Variants in HMX2 observed in about 807,000 individuals in gnomAD.
The protein encoded by HMX2 is homeobox protein HMX2.
A neutral mutation model predicts 21.2 loss-of-function variants in HMX2; 15 were observed. That is an observed-to-expected ratio of 0.71 (90% CI 0.47 to 1.09). The LOEUF (loss-of-function observed/expected upper bound fraction) is 1.09. Ranked by LOEUF, HMX2 falls within the 50% of genes least tolerant of loss-of-function variation. The pLI, the probability that HMX2 is intolerant of heterozygous loss-of-function variation, is 0.00. For synonymous variants in HMX2, 193 were observed against 181.0 expected (o/e 1.07, Z -0.53); for missense variants, 440 against 381.5 (o/e 1.15, Z -1.28).
In HMX2 at chr10:123,148,295, C is replaced by T; in HGVS notation, c.-84C>T. 2 of 1,391,920 alleles carry T rather than the reference C, an allele frequency of 1.4e-6. No individual in the cohort carries two copies. Among genetic ancestry groups the T allele is most frequent in the Non-Finnish European group, 2.0e-6 (2 of 1,007,100 alleles). 86.2% of individuals were successfully genotyped at this position (1,391,920 alleles called of 1,614,324 possible). On this transcript the variant is annotated 5_prime_UTR_variant, in exon 1 of 2. Transcript: ENST00000339992. Reference sequence around the variant, plus strand: ...CCTCCCCGCCCCTCCCCACTGCCTGCCTGCTGCACCACCTTCCACCCAGAT... The same window carrying T: ...CCTCCCCGCCCCTCCCCACTGCCTGTCTGCTGCACCACCTTCCACCCAGAT...
Position 123,149,939 on chromosome 10 carries a change from A to C in HMX2, c.638A>C (p.Glu213Ala). 1 of 1,612,222 alleles carries C rather than the reference A, an allele frequency of 6.2e-7. No homozygotes were observed. Among genetic ancestry groups the C allele is most frequent in the Non-Finnish European group, 8.5e-7 (1 of 1,179,680 alleles). Residue 213 changes from glutamate (E) to alanine (A), a missense_variant, in exon 2 of 2, where the codon GAG (glutamate) becomes GCG (alanine). By Grantham distance (107) the Glu-to-Ala change is moderately radical. Transcript: ENST00000339992. The surrounding 1 kb of genome is among the most constrained non-coding windows in gnomAD (Gnocchi z 5.4). ...AAGCGGCAGCTCTCGGCTGAGCTGG[A>C]GGCGGCCAACATGGCGCACGCGTCG... ...KWKRQLSAEL[E>A]AANMAHASAQ...
At position 123,150,079 on chromosome 10, in the gene HMX2, T is replaced by G; in HGVS notation, c.778T>G (p.Ser260Ala). ...GCTCTACTACCCGGGAAGCAACCTCTCGGCCTTACCTCTCTACAACCTATA... is the reference window on the plus strand; with the variant it reads ...GCTCTACTACCCGGGAAGCAACCTCGCGGCCTTACCTCTCTACAACCTATA... ...APLYYPGSNL[S>A]ALPLYNLYNK... The change falls in exon 2 of 2, where the codon TCG (serine) becomes GCG (alanine). Residue 260 changes from serine (S) to alanine (A), a missense_variant. Ser to Ala is a moderately conservative substitution (Grantham distance 99). Transcript: ENST00000339992. The surrounding 1 kb of genome is among the most constrained non-coding windows in gnomAD (Gnocchi z 4.2). 1 of 1,594,276 alleles carries G rather than the reference T, an allele frequency of 6.3e-7. No homozygotes were observed. Among genetic ancestry groups the G allele is most frequent in the Non-Finnish European group, 8.5e-7 (1 of 1,175,676 alleles).
At position 123,149,147 on chromosome 10, in the gene HMX2, C is replaced by T. The variant is rs1844237421; in HGVS notation, c.269-423C>T. On this transcript the variant is annotated intron_variant, in intron 1 of 1. Transcript: ENST00000339992. The surrounding 1 kb of genome is among the most constrained non-coding windows in gnomAD (Gnocchi z 5.4). The stretch of plus-strand genomic sequence containing the variant: ...TTTCAGAGACGGTTCCTCTTTACAA[C>T]ATTTGACGAAGGGGAGTCCTGCGTT... Among the ~76,000 whole-genome samples, 1 of 152,028 alleles carries T rather than the reference C, an allele frequency of 6.6e-6. No homozygotes were observed. The highest frequency in any genetic ancestry group is 1.5e-5 in the Non-Finnish European group (1 of 67,956).
At position 123,149,986 on chromosome 10, in the gene HMX2, C is replaced by A. The variant is rs759207793; in HGVS notation, c.685C>A (p.Pro229Thr). 4 of 1,611,148 alleles carry A rather than the reference C, an allele frequency of 2.5e-6. No individual in the cohort carries two copies. Among genetic ancestry groups the A allele is most frequent in the Non-Finnish European group, 3.4e-6 (4 of 1,179,324 alleles). ...GTCGGCGCAGACTCTGGTGAGCATG[C>A]CGCTGGTGTTCCGGGACAGTTCGCT... ...HASAQTLVSM[P>T]LVFRDSSLLR... The change falls in exon 2 of 2, where the codon CCG (proline) becomes ACG (threonine). Residue 229 changes from proline to threonine, a missense_variant. Transcript: ENST00000339992. This position sits in a 1 kb window ranked among gnomAD's most constrained non-coding sequence, Gnocchi z 5.4.
chr10:123,150,206 G>A lies in HMX2; in HGVS notation c.*83G>A. 8.4e-7 allele frequency: 1 copy of A among 1,193,996 alleles called. No homozygotes were observed. The highest frequency in any genetic ancestry group is 1.1e-6 in the Non-Finnish European group (1 of 878,920). 74.0% of individuals were successfully genotyped at this position (1,193,996 alleles called of 1,614,324 possible). On this transcript the variant is annotated 3_prime_UTR_variant, in exon 2 of 2. Transcript: ENST00000339992. This position sits in a 1 kb window ranked among gnomAD's most constrained non-coding sequence, Gnocchi z 4.2. Reference sequence around the variant, plus strand: ...TGTAAGCAGGGCTCCGGAGCAAGGCGGCGTGTTTCCAGAAATATGAAGAAA... The same window carrying A: ...TGTAAGCAGGGCTCCGGAGCAAGGCAGCGTGTTTCCAGAAATATGAAGAAA...
rs1844252691 is a variant in HMX2, at chr10:123,149,962, T to C, written c.661T>C (p.Ser221Pro). ...ELEAANMAHA[S>P]AQTLVSMPLV... is the part of the protein sequence containing the mutation. Reference sequence around the variant, plus strand: ...GGAGGCGGCCAACATGGCGCACGCGTCGGCGCAGACTCTGGTGAGCATGCC... The same window carrying C: ...GGAGGCGGCCAACATGGCGCACGCGCCGGCGCAGACTCTGGTGAGCATGCC... Residue 221 changes from serine (S) to proline (P), a missense_variant, in exon 2 of 2, where the codon TCG (serine) becomes CCG (proline). Coordinates refer to ENST00000339992, the MANE Select transcript of HMX2 (RefSeq NM_005519.2). The surrounding 1 kb of genome is among the most constrained non-coding windows in gnomAD (Gnocchi z 5.4). 1.2e-6 allele frequency: 2 copies of C among 1,611,950 alleles called. No homozygotes were observed. Among genetic ancestry groups the C allele is most frequent in the African/African-American group, 2.7e-5 (2 of 75,028 alleles).
At position 123,150,612 on chromosome 10, in the gene HMX2, G is replaced by A. The variant is rs1844261847; in HGVS notation, c.*489G>A. Reference sequence around the variant, plus strand: ...TCCCGAGGATGGTAGGGACGAAAAGGGGAGAGTTCAGATCTGTAAATATTT... The same window carrying A: ...TCCCGAGGATGGTAGGGACGAAAAGAGGAGAGTTCAGATCTGTAAATATTT... On this transcript the variant is annotated 3_prime_UTR_variant, in exon 2 of 2. Coordinates refer to ENST00000339992, the MANE Select transcript of HMX2 (RefSeq NM_005519.2). The surrounding 1 kb of genome is among the most constrained non-coding windows in gnomAD (Gnocchi z 4.2). The A allele has an allele frequency of 6.5e-6, 1 of 153,122 alleles. No individual in the cohort carries two copies. The highest frequency in any genetic ancestry group is 6.5e-5 in the Admixed American group (1 of 15,306). The allele number at this position is 153,122 out of a possible 1,614,324, so 9.5% of individuals were successfully genotyped here.
chr10:123,148,279 C>G lies in HMX2; in HGVS notation c.-100C>G. ...CCCTCCCCCTAGATTTCCTCCCCGC[C>G]CCTCCCCACTGCCTGCCTGCTGCAC... On this transcript the variant is annotated 5_prime_UTR_variant, in exon 1 of 2. Coordinates refer to ENST00000339992, the MANE Select transcript of HMX2 (RefSeq NM_005519.2). The G allele has an allele frequency of 1.5e-6, 2 of 1,301,164 alleles. No homozygotes were observed. The highest frequency in any genetic ancestry group is 2.4e-5 in the East Asian group (1 of 41,502). 80.6% of individuals were successfully genotyped at this position (1,301,164 alleles called of 1,614,324 possible). A position where few individuals can be genotyped will look rare whatever the true frequency, so the allele number is the denominator to read the frequency against.
In HMX2 at chr10:123,148,155, G is replaced by A. The variant is rs1844218295; in HGVS notation, c.-224G>A. Reference sequence around the variant, plus strand: ...GAAGGGGCATTTGCACCGGGGCTGGGCGGGCGCACCCAGAGCCAGGCGGGC... The same window carrying A: ...GAAGGGGCATTTGCACCGGGGCTGGACGGGCGCACCCAGAGCCAGGCGGGC... On this transcript the variant is annotated 5_prime_UTR_variant, in exon 1 of 2. Transcript: ENST00000339992. The A allele has an allele frequency of 1.8e-6, 1 of 559,334 alleles. No homozygotes were observed. Among genetic ancestry groups the A allele is most frequent in the Non-Finnish European group, 3.1e-6 (1 of 324,582 alleles). The allele number at this position is 559,334 out of a possible 1,614,324, so 34.6% of individuals were successfully genotyped here.
chr10:123,150,089 C>T lies in HMX2; in HGVS notation c.788C>T (p.Pro263Leu), dbSNP rs759214419. Reference protein sequence around the residue: ...YYPGSNLSALPLYNLYNKLDY With the variant: ...YYPGSNLSALLLYNLYNKLDY The stretch of plus-strand genomic sequence containing the variant: ...CCGGGAAGCAACCTCTCGGCCTTAC[C>T]TCTCTACAACCTATACAACAAGCTC... The change falls in exon 2 of 2, where the codon CCT becomes CTT. Residue 263 changes from proline to leucine, a missense_variant. By Grantham distance (98) the Pro-to-Leu change is moderately conservative. Transcript: ENST00000339992. The surrounding 1 kb of genome is among the most constrained non-coding windows in gnomAD (Gnocchi z 4.2). 2 of 1,587,510 alleles carry T rather than the reference C, an allele frequency of 1.3e-6. No individual in the cohort carries two copies. The highest frequency in any genetic ancestry group is 2.7e-5 in the African/African-American group (2 of 74,536).
rs200845862 is a variant in HMX2, at chr10:123,148,359, C to T, written c.-20C>T. The T allele has an allele frequency of 6.2e-7, 1 of 1,611,668 alleles. No homozygotes were observed. The highest frequency in any genetic ancestry group is 2.2e-5 in the East Asian group (1 of 44,744). ...TCTAAAGGGAGTTCTTGGTTTCCTTCGATTTCTTATGAACCCAGGATGGGC... is the reference window on the plus strand; with the variant it reads ...TCTAAAGGGAGTTCTTGGTTTCCTTTGATTTCTTATGAACCCAGGATGGGC... On this transcript the variant is annotated 5_prime_UTR_variant, in exon 1 of 2. Coordinates refer to ENST00000339992, the MANE Select transcript of HMX2 (RefSeq NM_005519.2).
rs1844222935 is a variant in HMX2 at position 123,148,398 on chromosome 10, C to T, written c.20C>T (p.Ala7Val). The T allele has an allele frequency of 6.2e-7, 1 of 1,612,818 alleles. No individual in the cohort carries two copies. The highest frequency in any genetic ancestry group is 8.5e-7 in the Non-Finnish European group (1 of 1,179,468). ...CCCAGGATGGGCAGCAAAGAAGATGCGGGCAAGGGGTGTCCGGCGGCCGGT... is the reference window on the plus strand; with the variant it reads ...CCCAGGATGGGCAGCAAAGAAGATGTGGGCAAGGGGTGTCCGGCGGCCGGT... Reference protein sequence around the residue: MGSKEDAGKGCPAAGGV... With the variant: MGSKEDVGKGCPAAGGV... Residue 7 changes from alanine (A) to valine (V), a missense_variant, in exon 1 of 2, where the codon GCG becomes GTG. Physicochemically the swap from Ala to Val is moderately conservative, Grantham distance 64 (BLOSUM62 0). Coordinates refer to ENST00000339992, the MANE Select transcript of HMX2 (RefSeq NM_005519.2).
chr10:123,150,079 T>C lies in HMX2; in HGVS notation c.778T>C (p.Ser260Pro). 1.3e-6 allele frequency: 2 copies of C among 1,594,276 alleles called. No homozygotes were observed. Among genetic ancestry groups the C allele is most frequent in the African/African-American group, 1.3e-5 (1 of 74,722 alleles). Residue 260 changes from serine to proline, a missense_variant, in exon 2 of 2, where the codon TCG becomes CCG. By Grantham distance (74) the Ser-to-Pro change is moderately conservative. Coordinates refer to ENST00000339992, the MANE Select transcript of HMX2 (RefSeq NM_005519.2). This position sits in a 1 kb window ranked among gnomAD's most constrained non-coding sequence, Gnocchi z 4.2. ...APLYYPGSNLSALPLYNLYNK... is the reference protein window; with the variant it reads ...APLYYPGSNLPALPLYNLYNK... ...GCTCTACTACCCGGGAAGCAACCTC[T>C]CGGCCTTACCTCTCTACAACCTATA...
In HMX2 at chr10:123,149,700, C is replaced by G; in HGVS notation, c.399C>G (p.Ser133=). The change falls in exon 2 of 2, where the codon TCC becomes TCG. Residue 133 remains serine (S), a synonymous_variant. Transcript: ENST00000339992. The surrounding 1 kb of genome is among the most constrained non-coding windows in gnomAD (Gnocchi z 5.4). Reference sequence around the variant, plus strand: ...CCGCGGGCTCGCCCTCGCCGGGGTCCGAGCGGCCGCGGGACGGCGGCGCTG... The same window carrying G: ...CCGCGGGCTCGCCCTCGCCGGGGTCGGAGCGGCCGCGGGACGGCGGCGCTG... ...LLPAGSPSPG[S]ERPRDGGAER... 2 of 1,565,684 alleles carry G rather than the reference C, an allele frequency of 1.3e-6. No individual in the cohort carries two copies. Among genetic ancestry groups the G allele is most frequent in the Non-Finnish European group, 1.7e-6 (2 of 1,161,278 alleles).
rs1844258202 is a variant in HMX2, at chr10:123,150,297, G to T, written c.*174G>T. ...CCCTACTTTTTGTTTTGATTGTTTC[G>T]GGTATTTATTGGCATTCCCTAAGTC... On this transcript the variant is annotated 3_prime_UTR_variant, in exon 2 of 2. Transcript: ENST00000339992. The surrounding 1 kb of genome is among the most constrained non-coding windows in gnomAD (Gnocchi z 4.2). 1.7e-6 allele frequency: 1 copy of T among 581,768 alleles called. No individual in the cohort carries two copies. Among genetic ancestry groups the T allele is most frequent in the Admixed American group, 3.6e-5 (1 of 28,108 alleles). 36.0% of individuals were successfully genotyped at this position (581,768 alleles called of 1,614,324 possible).
At position 123,150,487 on chromosome 10, in the gene HMX2, A is replaced by C; in HGVS notation, c.*364A>C. On this transcript the variant is annotated 3_prime_UTR_variant, in exon 2 of 2. Coordinates refer to ENST00000339992, the MANE Select transcript of HMX2 (RefSeq NM_005519.2). The surrounding 1 kb of genome is among the most constrained non-coding windows in gnomAD (Gnocchi z 4.2). ...ACAAAACCAGGTACACTCCTCCCCCATATATACACCTGTATATATGTACAT... is the reference window on the plus strand; with the variant it reads ...ACAAAACCAGGTACACTCCTCCCCCCTATATACACCTGTATATATGTACAT... 4.9e-6 allele frequency: 1 copy of C among 202,320 alleles called. No individual in the cohort carries two copies. The highest frequency in any genetic ancestry group is 1.3e-4 in the East Asian group (1 of 7,864). 12.5% of individuals were successfully genotyped at this position (202,320 alleles called of 1,614,324 possible).
Position 123,149,957 on chromosome 10 carries a change from A to G in HMX2, c.656A>G (p.His219Arg). ...SAELEAANMA[H>R]ASAQTLVSMP... ...GAGCTGGAGGCGGCCAACATGGCGC[A>G]CGCGTCGGCGCAGACTCTGGTGAGC... Residue 219 changes from histidine to arginine, a missense_variant, in exon 2 of 2, where the codon CAC becomes CGC. His to Arg is a conservative substitution (Grantham distance 29). Transcript: ENST00000339992. This position sits in a 1 kb window ranked among gnomAD's most constrained non-coding sequence, Gnocchi z 5.4. 1 of 1,611,990 alleles carries G rather than the reference A, an allele frequency of 6.2e-7. No individual in the cohort carries two copies. Among genetic ancestry groups the G allele is most frequent in the Non-Finnish European group, 8.5e-7 (1 of 1,179,596 alleles).
rs1274867386 is a variant in HMX2 at position 123,150,118 on chromosome 10, T to A, written c.817T>A (p.Tyr273Asn). ...CTACAACCTATACAACAAGCTCGAC[T>A]ACTGACCGGCCCGCCGCCCCGCGCC... ...PLYNLYNKLD[Y>N] The change falls in exon 2 of 2, where the codon TAC (tyrosine) becomes AAC (asparagine). Residue 273 changes from tyrosine to asparagine, a missense_variant. By Grantham distance (143) the Tyr-to-Asn change is moderately radical. Coordinates refer to ENST00000339992, the MANE Select transcript of HMX2 (RefSeq NM_005519.2). This position sits in a 1 kb window ranked among gnomAD's most constrained non-coding sequence, Gnocchi z 4.2. 1.3e-6 allele frequency: 2 copies of A among 1,543,712 alleles called. No homozygotes were observed.
At position 123,148,459 on chromosome 10, in the gene HMX2, C is replaced by A. The variant is rs140226368; in HGVS notation, c.81C>A (p.Gly27=). 4.1e-5 allele frequency: 66 copies of A among 1,612,926 alleles called. No individual in the cohort carries two copies. Among genetic ancestry groups the A allele is most frequent in the Non-Finnish European group, 5.5e-5 (65 of 1,179,516 alleles). ...GCTTCACCATCCAGTCCATCCTGGG[C>A]GGGGGCCCCTCGGAGGCACCGCGGG... The part of the protein sequence containing the change: ...VSSFTIQSIL[G]GGPSEAPREP... Residue 27 remains glycine, a synonymous_variant, in exon 1 of 2, where the codon GGC becomes GGA. Transcript: ENST00000339992.
Sources: gnomAD v4.1 joint callset for allele counts (sites outside exome capture counted in the v4.1 genomes callset) on GRCh38, gnomAD v4.1.1 for gene constraint, Gnocchi (gnomAD v3.1) non-coding constraint, MANE v1.5 for transcripts, NCBI Gene and HGNC (gene_info 2026-07-23, HGNC 2026-07-21) for gene names.